Variants in SDK1 observed in about 807,000 individuals in gnomAD.
SDK1 encodes the protein sidekick cell adhesion molecule 1, also known as protein sidekick-1.
In SDK1, 157 loss-of-function variants were observed where a neutral mutation model predicts 245.5. The ratio of observed to expected loss-of-function variants is 0.64; its 90% CI spans 0.56 to 0.73. The LOEUF is 0.73. SDK1 is among the 30% of genes least tolerant of loss of function. SDK1 has a pLI of 0.00. For missense variants in SDK1, 3,583 were observed against 3,002.3 expected (o/e 1.19, Z -4.52); for synonymous variants, 1,647 against 1,278.5 (o/e 1.29, Z -6.15).
intron 17 of SDK1, among the ~76,000 whole-genome samples, chr7:4,034,333 G>A (rs1017118358): frequency 2.0e-5 from 3 of 152,166 alleles, no homozygotes; most frequent in Admixed American, 6.5e-5. Flanking sequence ...AGGAGAAACC[G>A]TAGATTAGAT....
intron 22 of SDK1, among the ~76,000 whole-genome samples, chr7:4,100,185 C>G (rs575411842): frequency 2.6e-5 from 4 of 152,136 alleles, no homozygotes; most frequent in Admixed American, 2.6e-4. Flanking sequence ...GTCCCTGTTT[C>G]CCCTTGAGAG....
chr7:3,484,924 C>T lies in SDK1; in HGVS notation c.299-134156C>T, dbSNP rs376529133. On this transcript the variant is annotated intron_variant, in intron 1 of 44. Transcript: ENST00000404826. ...CTGTTGATGAGCATTTAGCTTGATTCCATATCTTGGCTATTGTGAATGGAG... is the reference window on the plus strand; with the variant it reads ...CTGTTGATGAGCATTTAGCTTGATTTCATATCTTGGCTATTGTGAATGGAG... Among the ~76,000 whole-genome samples the T allele has an allele frequency of 2.6e-5, 4 of 152,276 alleles. 1 individual carries two copies. The East Asian group carries it at 5.8e-4, about 22-fold the overall frequency.
At chr7:3,735,385 C>G (rs1052599747) in intron 4 of SDK1, among the ~76,000 whole-genome samples, 2 of 152,180 alleles carry the variant, frequency 1.3e-5, no homozygotes. Flanking sequence ...AGTTTGACTA[C>G]TCTAGGTACC....
chr7:3,383,493 G>T (rs1022293485), intron 1 of SDK1, among the ~76,000 whole-genome samples: 3 of 152,128 alleles, frequency 2.0e-5, no homozygotes, highest in Admixed American at 1.3e-4. Context: ...AGCGGTTTTA[G>T]CCATCTCTTT....
chr7:3,839,343 C>G (rs1466739537), intron 5 of SDK1, among the ~76,000 whole-genome samples: 1 of 152,146 alleles, frequency 6.6e-6, no homozygotes, highest in Non-Finnish European at 1.5e-5. Context: ...AAGAAATCCC[C>G]TTGCGAGCCA....
chr7:4,079,422 G>A (rs373277233), intron 21 of SDK1, 41 bp from the exon 22 acceptor site: 16 of 1,609,716 alleles, frequency 9.9e-6, no homozygotes, highest in African/African-American at 5.3e-5. Flanking sequence ...AAGCTGTGAC[G>A]GACTGTAAAT....
At chr7:3,609,233 C>G (rs1469740582) in intron 1 of SDK1, among the ~76,000 whole-genome samples, 2 of 151,898 alleles carry the variant, frequency 1.3e-5, no homozygotes, top group African/African-American at 4.8e-5. Flanking sequence ...TTTAGGTGTC[C>G]TTAATTTTTT....
chr7:3,802,558 G>A (rs1175830121), intron 4 of SDK1, among the ~76,000 whole-genome samples: 1 of 151,664 alleles, frequency 6.6e-6, no homozygotes, highest in Non-Finnish European at 1.5e-5. Flanking sequence ...GTGCTACAGA[G>A]CTGTTCTGTC....
chr7:3,307,520 A>G (rs925220765), intron 1 of SDK1, among the ~76,000 whole-genome samples: 2 of 152,202 alleles, frequency 1.3e-5, no homozygotes. Context: ...AAAAATCATG[A>G]TTATTATGGG....
rs79481287 is a variant in SDK1, at chr7:4,021,626, G to A, written c.2602+4274G>A. 5.7e-3 allele frequency among the ~76,000 whole-genome samples: 875 copies of A among 152,246 alleles called. 7 individuals are homozygous for A. The highest frequency in any genetic ancestry group is 0.02 in the African/African-American group (817 of 41,534). ...CTGCTGCTGCAGTGCCAGCCATTGC[G>A]TCCCCACTCTAGAAGGCAACAAGGA... On this transcript the variant is annotated intron_variant, in intron 17 of 44. Transcript: ENST00000404826.
chr7:4,212,826 G>T (rs1411567344), intron 38 of SDK1, among the ~76,000 whole-genome samples: 1 of 152,228 alleles, frequency 6.6e-6, no homozygotes, highest in Non-Finnish European at 1.5e-5. Context: ...TGACCTGTGA[G>T]TCCTTCCTAA....
At chr7:3,874,672 T>G (rs558054086) in intron 5 of SDK1, among the ~76,000 whole-genome samples, 7 of 152,232 alleles carry the variant, frequency 4.6e-5, no homozygotes, top group Admixed American at 4.6e-4. Flanking sequence ...TTTTGTTTTT[T>G]GCTCTTTCTC....
At chr7:3,632,476 A>G (rs922461442) in intron 2 of SDK1, among the ~76,000 whole-genome samples, 1 of 152,212 alleles carries the variant, frequency 6.6e-6, no homozygotes, top group African/African-American at 2.4e-5. Context: ...ATCGAAGATT[A>G]ACATCTAATT....
intron 19 of SDK1, among the ~76,000 whole-genome samples, chr7:4,052,619 T>C (rs1456241739): frequency 6.6e-6 from 1 of 152,178 alleles, no homozygotes; most frequent in Non-Finnish European, 1.5e-5. Flanking sequence ...TTTATAAAAA[T>C]ATACTGTATG....
At chr7:3,994,124 A>G (rs972625970) in intron 14 of SDK1, among the ~76,000 whole-genome samples, 2 of 152,092 alleles carry the variant, frequency 1.3e-5, no homozygotes, top group African/African-American at 4.8e-5. Flanking sequence ...TTCTTATCAC[A>G]CATGCTTTTC....
intron 4 of SDK1, among the ~76,000 whole-genome samples, chr7:3,812,919 G>A (rs372959602): frequency 1.3e-5 from 2 of 152,268 alleles, no homozygotes; most frequent in East Asian, 3.9e-4. Context: ...GAAATCACGA[G>A]AAACAGGTTT....
chr7:4,117,730 C>A (rs1011760707), intron 25 of SDK1, among the ~76,000 whole-genome samples: 1 of 152,186 alleles, frequency 6.6e-6, no homozygotes, highest in Non-Finnish European at 1.5e-5. Flanking sequence ...AGTGTGTCTG[C>A]AGGTGCCACC....
chr7:3,684,203 G>T (rs1784203187), intron 4 of SDK1, among the ~76,000 whole-genome samples: 1 of 152,196 alleles, frequency 6.6e-6, no homozygotes, highest in Admixed American at 6.5e-5. Context: ...CCCCAACTCA[G>T]CATCAGGTAC....
rs188954685 is a variant in SDK1 at position 3,636,373 on chromosome 7, C to A, written c.459-2631C>A. ...CCTTGGATTCCTCCCCGCTTCCCCT[C>A]CCCTGTACCCACTAGTGGCCACCAT... On this transcript the variant is annotated intron_variant, in intron 2 of 44. Coordinates refer to ENST00000404826, the MANE Select transcript of SDK1 (RefSeq NM_152744.4). Among the ~76,000 whole-genome samples, 187 of 152,282 alleles carry A rather than the reference C, an allele frequency of 1.2e-3. 1 individual carries two copies. Among genetic ancestry groups the A allele is most frequent in the Non-Finnish European group, 5.0e-4 (34 of 68,028 alleles).
Sources: gnomAD v4.1 joint callset for allele counts (sites outside exome capture counted in the v4.1 genomes callset) on GRCh38, gnomAD v4.1.1 for gene constraint, MANE v1.5 for transcripts, NCBI Gene and HGNC (gene_info 2026-07-23, HGNC 2026-07-21) for gene names.